Variants in ARHGAP44 observed in about 807,000 individuals in gnomAD.
ARHGAP44 encodes the protein Rho GTPase activating protein 44.
In ARHGAP44, 43 loss-of-function variants were observed where a neutral mutation model predicts 106.8. The observed-to-expected ratio is 0.40, with a 90% CI of 0.32 to 0.52. The LOEUF is 0.52. Among genes scored for constraint, ARHGAP44 ranks in the 20% least tolerant of loss-of-function variants. The pLI is 0.48. For synonymous variants in ARHGAP44, 439 were observed against 410.3 expected (o/e 1.07, Z -0.85); for missense variants, 866 against 1,050.5 (o/e 0.82, Z 2.43).
At chr17:12,854,690 G>A (rs1277808460) in intron 1 of ARHGAP44, among the ~76,000 whole-genome samples, 3 of 152,144 alleles carry the variant, frequency 2.0e-5, no homozygotes, top group Admixed American at 6.5e-5. Context: ...TGAGCGCGGT[G>A]GCTCATGCCT....
At chr17:12,793,048 G>A (rs548159724) in intron 1 of ARHGAP44, among the ~76,000 whole-genome samples, 1 of 152,308 alleles carries the variant, frequency 6.6e-6, no homozygotes, top group African/African-American at 2.4e-5. Context: ...TGTGCCTCAT[G>A]GTTAGGAGCA....
chr17:12,831,096 G>C (rs987873232), intron 1 of ARHGAP44, among the ~76,000 whole-genome samples: 1 of 152,224 alleles, frequency 6.6e-6, no homozygotes, highest in South Asian at 2.1e-4. Flanking sequence ...TAAGTATTGA[G>C]TGTTTACTAT....
chr17:12,930,688 A>C (rs2038373792), intron 7 of ARHGAP44, among the ~76,000 whole-genome samples: 2 of 152,264 alleles, frequency 1.3e-5, no homozygotes, highest in South Asian at 4.1e-4. Context: ...ATAAAAGTTC[A>C]GTAGCTTTAT....
chr17:12,881,777 T>G (rs1300655669), intron 1 of ARHGAP44, among the ~76,000 whole-genome samples: 2 of 152,180 alleles, frequency 1.3e-5, no homozygotes, highest in African/African-American at 4.8e-5. Flanking sequence ...CACTGTGGCC[T>G]TGAACTCCTG....
In ARHGAP44 at chr17:12,803,281, A is replaced by G. The variant is rs146316356; in HGVS notation, c.53+13390A>G. 3.3e-3 allele frequency among the ~76,000 whole-genome samples: 499 copies of G among 151,508 alleles called. 1 individual carries two copies. The highest frequency in any genetic ancestry group is 0.011 in the African/African-American group (473 of 41,290). On this transcript the variant is annotated intron_variant, in intron 1 of 20. Transcript: ENST00000379672. ...GCTACCGCGCCCAGCCAATTTTTGTATTTTTACTAGAGATGGGGTTTCACT... is the reference window on the plus strand; with the variant it reads ...GCTACCGCGCCCAGCCAATTTTTGTGTTTTTACTAGAGATGGGGTTTCACT...
rs181592392 is a variant in ARHGAP44 at position 12,860,339 on chromosome 17, C to T, written c.54-34601C>T. Among the ~76,000 whole-genome samples the T allele has an allele frequency of 2.1e-4, 32 of 152,140 alleles. No individual in the cohort carries two copies. In the East Asian group the frequency reaches 6.2e-3, roughly 29 times the overall value. On this transcript the variant is annotated intron_variant, in intron 1 of 20. Coordinates refer to ENST00000379672, the MANE Select transcript of ARHGAP44 (RefSeq NM_014859.6). ...CCTGACAATAGCATTTGCGATATACCCTCTTGTCTCTTGTCAGATAACTGT... is the reference window on the plus strand; with the variant it reads ...CCTGACAATAGCATTTGCGATATACTCTCTTGTCTCTTGTCAGATAACTGT...
intron 16 of ARHGAP44, among the ~76,000 whole-genome samples, chr17:12,966,361 T>C (rs971154133): frequency 6.6e-6 from 1 of 152,176 alleles, no homozygotes; most frequent in African/African-American, 2.4e-5. Flanking sequence ...CCTCCTCCCC[T>C]GGACTTAGAC....
At chr17:12,924,740 G>A (rs1356007660) in intron 6 of ARHGAP44, among the ~76,000 whole-genome samples, 2 of 152,104 alleles carry the variant, frequency 1.3e-5, no homozygotes, top group Non-Finnish European at 2.9e-5. Context: ...CTCTCTACAC[G>A]CACTCAGAGG....
At chr17:12,795,839 G>A (rs1377127358) in intron 1 of ARHGAP44, among the ~76,000 whole-genome samples, 6 of 152,088 alleles carry the variant, frequency 3.9e-5, no homozygotes, top group African/African-American at 7.2e-5. Context: ...GAACTCCACC[G>A]CCTTTGGGAA....
rs1948839805 is a variant in ARHGAP44, at chr17:12,958,918, C to T, written c.1523+21C>T. The T allele has an allele frequency of 6.3e-7, 1 of 1,592,936 alleles. No homozygotes were observed. The highest frequency in any genetic ancestry group is 8.6e-7 in the Non-Finnish European group (1 of 1,169,424). The stretch of plus-strand genomic sequence containing the variant: ...GATGGGTATGAACTGGTGTCTCTTT[C>T]TCAGCACTGGGGATTAGGGGAGGTG... On this transcript the variant is annotated intron_variant, in intron 16 of 20. Coordinates refer to ENST00000379672, the MANE Select transcript of ARHGAP44 (RefSeq NM_014859.6). This position sits in a 1 kb window ranked among gnomAD's most constrained non-coding sequence, Gnocchi z 4.1.
chr17:12,970,733 C>T (rs1289354267), intron 16 of ARHGAP44, among the ~76,000 whole-genome samples: 1 of 152,178 alleles, frequency 6.6e-6, no homozygotes, highest in African/African-American at 2.4e-5. Flanking sequence ...GCCTTGATTC[C>T]AGCTACTGTT....
chr17:12,946,786 G>T (rs1201564619), intron 10 of ARHGAP44, among the ~76,000 whole-genome samples: 1 of 140,556 alleles, frequency 7.1e-6, no homozygotes, highest in Non-Finnish European at 1.5e-5. Context: ...GGGCAACAGA[G>T]TGAGACTCTA....
rs889474185 is a variant in ARHGAP44, at chr17:12,845,185, T to C, written c.54-49755T>C. On this transcript the variant is annotated intron_variant, in intron 1 of 20. Transcript: ENST00000379672. ...CTGGTCTTCATAGTATTTGTCACTTTATGACATTCTGTGTGTTCATTTACT... is the reference window on the plus strand; with the variant it reads ...CTGGTCTTCATAGTATTTGTCACTTCATGACATTCTGTGTGTTCATTTACT... Among the ~76,000 whole-genome samples the C allele has an allele frequency of 5.0e-4, 76 of 150,638 alleles. 1 individual carries two copies. Among genetic ancestry groups the C allele is most frequent in the African/African-American group, 1.6e-3 (63 of 40,234 alleles).
Position 12,949,576 on chromosome 17 carries a change from G to A in ARHGAP44, c.974-73G>A. The A allele has an allele frequency of 7.1e-7, 1 of 1,410,858 alleles. No individual in the cohort carries two copies. The highest frequency in any genetic ancestry group is 2.3e-5 in the East Asian group (1 of 43,946). The allele number at this position is 1,410,858 out of a possible 1,614,324, so 87.4% of individuals were successfully genotyped here. On this transcript the variant is annotated intron_variant, in intron 11 of 20. Coordinates refer to ENST00000379672, the MANE Select transcript of ARHGAP44 (RefSeq NM_014859.6). This position sits in a 1 kb window ranked among gnomAD's most constrained non-coding sequence, Gnocchi z 4.1. ...CCCATCCCCAGATGGAACCCACATA[G>A]GCAGTGCTGGCTGGTGGGTCTTGCC...
chr17:12,990,773 A>G lies in ARHGAP44; in HGVS notation c.*602A>G, dbSNP rs889979876. 6 of 152,376 alleles carry G rather than the reference A, an allele frequency of 3.9e-5. No homozygotes were observed. Among genetic ancestry groups the G allele is most frequent in the African/African-American group, 1.4e-4 (6 of 41,570 alleles). 9.4% of individuals were successfully genotyped at this position (152,376 alleles called of 1,614,324 possible). A position where few individuals can be genotyped will look rare whatever the true frequency, so the allele number is the denominator to read the frequency against. On this transcript the variant is annotated 3_prime_UTR_variant, in exon 21 of 21. Coordinates refer to ENST00000379672, the MANE Select transcript of ARHGAP44 (RefSeq NM_014859.6). ...CAGTGGGCTCCAAAGTAAATGGCTG[A>G]AAACAAAAATGTTTCACTTCCTAAC... is the stretch of plus-strand genomic sequence containing the variant.
chr17:12,956,100 T>G, intron 14 of ARHGAP44, 120 bp downstream of exon 14: 1 of 677,976 alleles, frequency 1.5e-6, no homozygotes, highest in South Asian at 2.0e-5. Flanking sequence ...CAAACCCTAT[T>G]TCTTTGTTGG....
At chr17:12,968,873 C>G (rs915363222) in intron 16 of ARHGAP44, among the ~76,000 whole-genome samples, 23 of 151,748 alleles carry the variant, frequency 1.5e-4, no homozygotes, top group African/African-American at 5.3e-4. Flanking sequence ...GGGTTCACGC[C>G]ATTCTCCTGC....
At chr17:12,920,195 GA>G (rs1236176097) in intron 6 of ARHGAP44, among the ~76,000 whole-genome samples, 23 of 151,946 alleles carry the variant, frequency 1.5e-4, no homozygotes, top group African/African-American at 5.3e-4. Context: ...CTAACATGGT[GA>G]AACCCTGTCT....
intron 6 of ARHGAP44, among the ~76,000 whole-genome samples, chr17:12,920,321 A>T (rs558767934): frequency 0.098 from 11,627 of 118,956 alleles, 1,111 homozygotes; most frequent in African/African-American, 0.3. Context: ...GCTTGCAGTG[A>T]GCCGAGATCA....
Sources: gnomAD v4.1 joint callset for allele counts (sites outside exome capture counted in the v4.1 genomes callset) on GRCh38, gnomAD v4.1.1 for gene constraint, Gnocchi (gnomAD v3.1) non-coding constraint, MANE v1.5 for transcripts, NCBI Gene and HGNC (gene_info 2026-07-23, HGNC 2026-07-21) for gene names.